The following TP63 variants were observed in gnomAD, a reference collection of about 807,000 sequenced individuals.
The protein encoded by TP63 is tumor protein 63.
A neutral mutation model predicts 82.8 loss-of-function variants in TP63; 17 were observed. The ratio of observed to expected loss-of-function variants is 0.21; its 90% CI spans 0.14 to 0.31. The LOEUF (loss-of-function observed/expected upper bound fraction) is 0.31. Ranked by LOEUF, TP63 falls within the 10% of genes least tolerant of loss-of-function variation. The pLI is 1.00. For missense variants in TP63, 648 were observed against 895.3 expected (o/e 0.72, Z 3.52); for synonymous variants, 330 against 321.7 (o/e 1.03, Z -0.28).
intron 1 of TP63, among the ~76,000 whole-genome samples, chr3:189,737,470 G>A (rs1485814886): frequency 6.6e-6 from 1 of 152,094 alleles, no homozygotes; most frequent in Non-Finnish European, 1.5e-5. Flanking sequence ...GAGGTATAGA[G>A]CATAATAATA....
chr3:189,832,702 A>T (rs1002669559), intron 4 of TP63, among the ~76,000 whole-genome samples: 5 of 152,240 alleles, frequency 3.3e-5, no homozygotes, highest in Non-Finnish European at 7.3e-5. Context: ...GTTGAGTACC[A>T]GGTCAAAAAC....
chr3:189,703,313 A>G (rs1717951025), intron 1 of TP63, among the ~76,000 whole-genome samples: 1 of 152,206 alleles, frequency 6.6e-6, no homozygotes, highest in Non-Finnish European at 1.5e-5. Context: ...ATGCGCCTGT[A>G]GTCCCAGCTA....
chr3:189,831,467 G>A (rs944659988), intron 4 of TP63, among the ~76,000 whole-genome samples: 13 of 150,722 alleles, frequency 8.6e-5, no homozygotes, highest in Middle Eastern at 3.4e-3. Context: ...GATATCATTC[G>A]AGCTTCACAA....
intron 3 of TP63, among the ~76,000 whole-genome samples, chr3:189,742,147 G>T (rs1488432836): frequency 6.6e-6 from 1 of 150,388 alleles, no homozygotes; most frequent in East Asian, 2.0e-4. Flanking sequence ...GGAGGCTGAG[G>T]CAGGAGAATC....
chr3:189,767,154 G>T (rs1208644095), intron 3 of TP63, among the ~76,000 whole-genome samples: 2 of 152,014 alleles, frequency 1.3e-5, no homozygotes, highest in African/African-American at 2.4e-5. Context: ...AAAATGTAAT[G>T]GTTGTAGAGT....
At chr3:189,633,980 A>G (rs73889790) in intron 1 of TP63, among the ~76,000 whole-genome samples, 7,438 of 152,184 alleles carry the variant, frequency 0.049, 191 homozygotes, top group Middle Eastern at 0.058. Context: ...AATTATTACT[A>G]TTTTCCAACC....
chr3:189,739,379 G>A (rs1046177811), intron 3 of TP63, among the ~76,000 whole-genome samples: 3 of 152,140 alleles, frequency 2.0e-5, no homozygotes, highest in Non-Finnish European at 1.5e-5. Flanking sequence ...GCCTCCCAAA[G>A]TGCTGGGATT....
intron 1 of TP63, among the ~76,000 whole-genome samples, chr3:189,729,708 A>C (rs1451023177): frequency 1.3e-5 from 2 of 152,096 alleles, no homozygotes; most frequent in African/African-American, 4.8e-5. Context: ...ATATTTTTCC[A>C]TTTGAGGTTG....
intron 3 of TP63, among the ~76,000 whole-genome samples, chr3:189,756,838 G>A (rs1292962851): frequency 6.6e-6 from 1 of 152,148 alleles, no homozygotes; most frequent in East Asian, 1.9e-4. Flanking sequence ...TTAAGACACT[G>A]TGCTCAGACT....
At chr3:189,762,695 A>G (rs1296007398) in intron 3 of TP63, among the ~76,000 whole-genome samples, 2 of 152,232 alleles carry the variant, frequency 1.3e-5, no homozygotes, top group East Asian at 3.8e-4. Context: ...CAAAAGAACT[A>G]AAATGTCAAG....
At chr3:189,620,717 C>G in the TP63 span, among the ~76,000 whole-genome samples, 1 of 152,138 alleles carries the variant, frequency 6.6e-6, no homozygotes, top group Non-Finnish European at 1.5e-5. Context: ...TAGGTTCAGT[C>G]CTTGGTTGGA....
At chr3:189,853,135 C>T (rs2108770412) in intron 4 of TP63, among the ~76,000 whole-genome samples, 1 of 152,314 alleles carries the variant, frequency 6.6e-6, no homozygotes, top group Admixed American at 6.5e-5. Flanking sequence ...CTGGTCTAAG[C>T]CACTCTCATC....
rs559522187 is a variant in TP63, at chr3:189,686,143, G to A, written c.63-51597G>A. Among the ~76,000 whole-genome samples the A allele has an allele frequency of 5.3e-5, 8 of 152,250 alleles. No homozygotes were observed. In the East Asian group the frequency reaches 9.6e-4, roughly 18 times the overall value. ...TGCAGAGCTGTGACTCGTCATTTCC[G>A]GAGGGAAAGGAAAGCACAGAGGAAT... is the stretch of plus-strand genomic sequence containing the variant. On this transcript the variant is annotated intron_variant, in intron 1 of 13. Coordinates refer to ENST00000264731, the MANE Select transcript of TP63 (RefSeq NM_003722.5).
At chr3:189,887,208 CAA>C (rs5855277) in intron 11 of TP63, among the ~76,000 whole-genome samples, 31 of 83,888 alleles carry the variant, frequency 3.7e-4, no homozygotes, top group South Asian at 3.9e-4. Flanking sequence ...GACTCAGTCT[CAA>C]AAAAAAAAAA....
intron 11 of TP63, among the ~76,000 whole-genome samples, chr3:189,888,680 G>C (rs1720711720): frequency 1.3e-5 from 2 of 152,136 alleles, no homozygotes; most frequent in African/African-American, 4.8e-5. Flanking sequence ...TTCTCTATCA[G>C]TGAGTGTTTA....
intron 3 of TP63, among the ~76,000 whole-genome samples, chr3:189,803,738 G>A (rs1454512376): frequency 1.3e-5 from 2 of 152,006 alleles, no homozygotes; most frequent in African/African-American, 4.8e-5. Context: ...AATTTTCCAG[G>A]GTCCAAACAG....
At chr3:189,768,102 T>G (rs950263331) in intron 3 of TP63, among the ~76,000 whole-genome samples, 1 of 152,152 alleles carries the variant, frequency 6.6e-6, no homozygotes, top group African/African-American at 2.4e-5. Context: ...ACCCCCCGCG[T>G]GTATGAATAA....
the TP63 span, among the ~76,000 whole-genome samples, chr3:189,610,811 G>A: frequency 6.6e-6 from 1 of 151,946 alleles, no homozygotes; most frequent in Admixed American, 6.6e-5. Context: ...TGAAGAAAAA[G>A]ATGTTTCATG....
chr3:189,713,741 T>A (rs1718764006), intron 1 of TP63, among the ~76,000 whole-genome samples: 1 of 152,204 alleles, frequency 6.6e-6, no homozygotes, highest in African/African-American at 2.4e-5. Flanking sequence ...AATAACTTTA[T>A]ATCCCTCTTC....
Sources: gnomAD v4.1 joint callset for allele counts (sites outside exome capture counted in the v4.1 genomes callset) on GRCh38, gnomAD v4.1.1 for gene constraint, MANE v1.5 for transcripts, NCBI Gene and HGNC (gene_info 2026-07-23, HGNC 2026-07-21) for gene names.